Variants in AAMDC observed in about 807,000 individuals in gnomAD.
AAMDC encodes mth938 domain-containing protein.
AAMDC carries 16 observed loss-of-function variants against 15.5 expected under a neutral mutation model. The observed-to-expected ratio is 1.03, with a 90% confidence interval of 0.70 to 1.57. The LOEUF is 1.57. Among genes scored for constraint, AAMDC ranks in the 40% most tolerant of loss-of-function variants. The pLI is 0.00. For synonymous variants in AAMDC, 51 were observed against 51.6 expected (o/e 0.99, Z 0.05); for missense variants, 141 against 144.9 (o/e 0.97, Z 0.14).
intron 5 of AAMDC, among the ~76,000 whole-genome samples, chr11:77,879,428 A>G (rs1281812060): frequency 1.3e-5 from 2 of 152,210 alleles, no homozygotes; most frequent in Non-Finnish European, 2.9e-5. Context: ...ACTGGGCTCA[A>G]ATTCTTATGC....
chr11:77,838,817 C>T (rs1432395171), intron 1 of AAMDC, among the ~76,000 whole-genome samples: 3 of 152,038 alleles, frequency 2.0e-5, no homozygotes, highest in Admixed American at 1.3e-4. Context: ...GGAGTTTCAC[C>T]GTGTTAGCCA....
downstream of AAMDC, among the ~76,000 whole-genome samples, chr11:77,876,102 G>A (rs1484428035): frequency 1.3e-5 from 2 of 152,106 alleles, no homozygotes; most frequent in African/African-American, 4.8e-5. Context: ...ATAAGAAGAG[G>A]ACTAAGAAAC....
At chr11:77,893,085 G>A (rs1952348252) in intron 5 of AAMDC, among the ~76,000 whole-genome samples, 3 of 152,194 alleles carry the variant, frequency 2.0e-5, no homozygotes, top group South Asian at 2.1e-4. Flanking sequence ...GACTTCATCA[G>A]TGCTTTAAGA....
Position 77,883,760 on chromosome 11 carries a change from A to C in AAMDC, c.328+6711A>C, listed in dbSNP as rs1161098031. ...CCATGTATTTTTTTCAAACTTTAAA[A>C]ACCAAACGCTTAAGGGTAGGTGTGA... On this transcript the variant is annotated intron_variant, in intron 5 of 5. Transcript: ENST00000304716. 4.6e-6 allele frequency: 7 copies of C among 1,522,248 alleles called. No individual in the cohort carries two copies. In the East Asian group the frequency reaches 1.6e-4, roughly 35 times the overall value. 94.3% of individuals were successfully genotyped at this position (1,522,248 alleles called of 1,614,324 possible). A position where few individuals can be genotyped will look rare whatever the true frequency, so the allele number is the denominator to read the frequency against.
At chr11:77,867,225 G>A (rs918069029) in intron 2 of AAMDC, among the ~76,000 whole-genome samples, 44 of 151,874 alleles carry the variant, frequency 2.9e-4, no homozygotes, top group African/African-American at 1.0e-3. Flanking sequence ...TCTTTCTCTC[G>A]CCCATTTGTT....
rs188691997 is a variant in AAMDC, at chr11:77,900,168, C to T, written c.329-403C>T. On this transcript the variant is annotated intron_variant, in intron 5 of 5. Coordinates refer to the AAMDC transcript ENST00000304716. ...AGGCTGGAGTGCAGTGGTGTGATTTCGGCCCACTGCAACCTCCACCTCCCA... is the reference window on the plus strand; with the variant it reads ...AGGCTGGAGTGCAGTGGTGTGATTTTGGCCCACTGCAACCTCCACCTCCCA... Among the ~76,000 whole-genome samples the T allele has an allele frequency of 9.2e-4, 139 of 151,300 alleles. 2 individuals are homozygous for T. The East Asian group carries it at 0.02, about 22-fold the overall frequency.
Position 77,832,947 on chromosome 11 carries a change from ATATATGTG to A in AAMDC, c.-18-9530_-18-9523del, listed in dbSNP as rs1433700555. Among the ~76,000 whole-genome samples, 66 of 83,740 alleles carry A rather than the reference ATATATGTG, an allele frequency of 7.9e-4. 1 individual carries two copies. The highest frequency in any genetic ancestry group is 2.1e-3 in the South Asian group (6 of 2,876). The allele number at this position is 83,740 out of a possible 152,430, so 54.9% of individuals were successfully genotyped here. A position where few individuals can be genotyped will look rare whatever the true frequency, so the allele number is the denominator to read the frequency against. The stretch of plus-strand genomic sequence containing the variant: ...ATTTATTGTGCACTTTATTGTATAT[ATATATGTG>A]TGTGTGTGTGTGTGTGTGTGTGTGT... On this transcript the variant is annotated intron_variant, in intron 1 of 3. Transcript: ENST00000393427.
intron 1 of AAMDC, among the ~76,000 whole-genome samples, chr11:77,830,389 T>C (rs772708171): frequency 1.3e-5 from 2 of 152,124 alleles, no homozygotes; most frequent in Non-Finnish European, 2.9e-5. Flanking sequence ...AGTGGGCTCC[T>C]TAAAGTTATC....
intron 2 of AAMDC, among the ~76,000 whole-genome samples, chr11:77,868,178 C>A (rs978998131): frequency 1.3e-5 from 2 of 151,290 alleles, no homozygotes; most frequent in African/African-American, 4.9e-5. Flanking sequence ...GCCTCAGCCT[C>A]CCGAGTAGCT....
chr11:77,840,191 G>A (rs1352145363), intron 1 of AAMDC, among the ~76,000 whole-genome samples: 2 of 152,084 alleles, frequency 1.3e-5, no homozygotes, highest in Non-Finnish European at 2.9e-5. Flanking sequence ...GGTATCTGGG[G>A]TTCATGGGAG....
At chr11:77,848,645 C>T (rs1421982555) in intron 2 of AAMDC, among the ~76,000 whole-genome samples, 1 of 152,152 alleles carries the variant, frequency 6.6e-6, no homozygotes, top group Non-Finnish European at 1.5e-5. Context: ...CAAGTGTGAG[C>T]CACCGTGCCT....
intron 5 of AAMDC, among the ~76,000 whole-genome samples, chr11:77,898,258 G>A (rs1279711718): frequency 6.6e-6 from 1 of 152,124 alleles, no homozygotes; most frequent in African/African-American, 2.4e-5. Context: ...CTGCCTCCTG[G>A]GTTCAAGCAA....
intron 5 of AAMDC, chr11:77,891,935 G>C: frequency 1.3e-6 from 2 of 1,573,982 alleles, no homozygotes; most frequent in Non-Finnish European, 8.6e-7. Flanking sequence ...GAAGTAGGAA[G>C]AATGATGAAG....
intron 3 of AAMDC, 116 bp downstream of exon 3, chr11:77,869,933 C>T: frequency 2.1e-6 from 2 of 968,578 alleles, no homozygotes; most frequent in Non-Finnish European, 3.2e-6. Context: ...CCTCATTTTG[C>T]TGACCCAGGA....
intron 2 of AAMDC, among the ~76,000 whole-genome samples, chr11:77,868,301 C>T (rs1233009343): frequency 3.3e-5 from 5 of 151,376 alleles, no homozygotes; most frequent in African/African-American, 9.7e-5. Flanking sequence ...GTGATCCACC[C>T]GCCTCAGCCT....
At chr11:77,859,947 G>A (rs1250520790) in intron 2 of AAMDC, among the ~76,000 whole-genome samples, 2 of 152,154 alleles carry the variant, frequency 1.3e-5, no homozygotes, top group Non-Finnish European at 2.9e-5. Flanking sequence ...TGAGATCACA[G>A]TAAGATCTCT....
chr11:77,872,944 C>T (rs1951495258), downstream of AAMDC, among the ~76,000 whole-genome samples: 1 of 152,104 alleles, frequency 6.6e-6, no homozygotes, highest in African/African-American at 2.4e-5. Context: ...GTGAGAGACT[C>T]CGTTTCAAAA....
chr11:77,903,864 T>C (rs1952857421), downstream of AAMDC, among the ~76,000 whole-genome samples: 1 of 152,306 alleles, frequency 6.6e-6, no homozygotes, highest in South Asian at 2.1e-4. Context: ...CCCAGATCAG[T>C]GCTTCTGGAA....
At chr11:77,845,622 G>T (rs766740547) in intron 2 of AAMDC, among the ~76,000 whole-genome samples, 1 of 152,042 alleles carries the variant, frequency 6.6e-6, no homozygotes, top group Non-Finnish European at 1.5e-5. Context: ...TAGAGACAGG[G>T]TTTTACCATG....
Sources: gnomAD v4.1 joint callset for allele counts (sites outside exome capture counted in the v4.1 genomes callset) on GRCh38, gnomAD v4.1.1 for gene constraint, MANE v1.5 for transcripts, NCBI Gene and HGNC (gene_info 2026-07-23, HGNC 2026-07-21) for gene names.